The following TNR variants were observed in gnomAD, a reference collection of about 807,000 sequenced individuals.
TNR encodes the protein tenascin R, also known as tenascin-R.
Under a neutral mutation model 150.4 loss-of-function variants are expected in TNR, and 45 were observed. The observed-to-expected ratio is 0.30, with a 90% CI of 0.24 to 0.38. The LOEUF is 0.38. TNR is among the 10% of genes least tolerant of loss of function. The pLI, the probability that TNR is intolerant of heterozygous loss-of-function variation, is 1.00. For missense variants in TNR, 1,544 were observed against 1,759.1 expected (o/e 0.88, Z 2.19); for synonymous variants, 687 against 678.4 (o/e 1.01, Z -0.20).
chr1:175,668,653 G>A (rs1294160271), intron 1 of TNR, among the ~76,000 whole-genome samples: 3 of 152,190 alleles, frequency 2.0e-5, no homozygotes, highest in Non-Finnish European at 4.4e-5. Context: ...CAGCTGTAAT[G>A]AGCATAAGAA....
intron 2 of TNR, among the ~76,000 whole-genome samples, chr1:175,427,729 C>CA (rs1655066986): frequency 1.0e-5 from 1 of 98,224 alleles, no homozygotes; most frequent in Non-Finnish European, 1.9e-5. Context: ...TTCTCTCTTT[C>CA]TTTTCCTTCC....
At chr1:175,423,946 G>A (rs1654861990) in intron 2 of TNR, among the ~76,000 whole-genome samples, 1 of 152,092 alleles carries the variant, frequency 6.6e-6, no homozygotes, top group Non-Finnish European at 1.5e-5. Context: ...ATGGGCCTTG[G>A]GGGTTAGAAT....
intron 1 of TNR, among the ~76,000 whole-genome samples, chr1:175,682,674 G>C (rs1307892399): frequency 1.3e-5 from 2 of 152,114 alleles, no homozygotes; most frequent in Non-Finnish European, 2.9e-5. Flanking sequence ...CCTGCCCTGA[G>C]ACGGATGTCA....
chr1:175,367,340 C>A (rs1651892742), intron 9 of TNR, 43 bp from the exon 10 acceptor site: 1 of 1,561,970 alleles, frequency 6.4e-7, no homozygotes, highest in Non-Finnish European at 8.8e-7. Context: ...GTGTATGGGG[C>A]AGGGCTAGGA....
chr1:175,469,060 C>A (rs990693390), intron 2 of TNR, among the ~76,000 whole-genome samples: 1 of 152,042 alleles, frequency 6.6e-6, no homozygotes, highest in Non-Finnish European at 1.5e-5. Flanking sequence ...GAGATTGCCA[C>A]CTAACCAAGA....
chr1:175,575,011 G>T (rs976789), intron 1 of TNR, among the ~76,000 whole-genome samples: 7,823 of 152,294 alleles, frequency 0.051, 267 homozygotes, highest in South Asian at 0.091. Flanking sequence ...AGAAGTCATT[G>T]GTGCTATTGA....
chr1:175,557,521 C>A (rs1218942603), intron 1 of TNR, among the ~76,000 whole-genome samples: 1 of 152,178 alleles, frequency 6.6e-6, no homozygotes, highest in African/African-American at 2.4e-5. Context: ...AGTTCACATC[C>A]AATCTCAACT....
intron 1 of TNR, among the ~76,000 whole-genome samples, chr1:175,561,940 G>A (rs1295749469): frequency 6.6e-6 from 1 of 152,074 alleles, no homozygotes; most frequent in South Asian, 2.1e-4. Context: ...TTCAGCTAGG[G>A]ACCACTCCTC....
chr1:175,346,125 A>C (rs993941665), intron 18 of TNR, among the ~76,000 whole-genome samples: 1 of 152,268 alleles, frequency 6.6e-6, no homozygotes, highest in African/African-American at 2.4e-5. Context: ...TTCCTTGGGC[A>C]TATGAAATTA....
At chr1:175,439,441 A>T (rs1327264674) in intron 2 of TNR, among the ~76,000 whole-genome samples, 3 of 152,030 alleles carry the variant, frequency 2.0e-5, no homozygotes, top group Admixed American at 6.6e-5. Flanking sequence ...AACCTAGGCA[A>T]TACCATTCAG....
At chr1:175,412,635 A>T (rs1427526817) in intron 2 of TNR, among the ~76,000 whole-genome samples, 2 of 151,864 alleles carry the variant, frequency 1.3e-5, no homozygotes, top group African/African-American at 4.8e-5. Context: ...CTTCTCTGAG[A>T]TCCCCCAATG....
At chr1:175,641,829 A>T (rs544658976) in intron 1 of TNR, among the ~76,000 whole-genome samples, 1 of 152,324 alleles carries the variant, frequency 6.6e-6, no homozygotes, top group African/African-American at 2.4e-5. Context: ...CTCATAGCGC[A>T]GGTTAAATAA....
chr1:175,379,649 C>G lies in TNR; in HGVS notation c.1866G>C (p.Gln622His). 1 of 1,614,198 alleles carries G rather than the reference C, an allele frequency of 6.2e-7. No homozygotes were observed. The highest frequency in any genetic ancestry group is 2.2e-5 in the East Asian group (1 of 44,884). ...GGGTGCTGTACACAACCTTGTACTC[C>G]TGAACTTCGGCTTCACTGTTATCCC... ...LEWDNSEAEV[Q>H]EYKVVYSTLA... Residue 622 changes from glutamine to histidine, a missense_variant, in exon 9 of 23, where the codon CAG becomes CAC. Gln to His is a conservative substitution (Grantham distance 24). This residue lies in a region of TNR where 1,254 missense variants were observed against 1,329.4 expected (regional missense o/e 0.94). Transcript: ENST00000367674.
At chr1:175,667,395 T>A (rs1665560881) in intron 1 of TNR, among the ~76,000 whole-genome samples, 3 of 152,036 alleles carry the variant, frequency 2.0e-5, no homozygotes. Flanking sequence ...TATAAGAAAA[T>A]AAAGAGGCAG....
intron 1 of TNR, among the ~76,000 whole-genome samples, chr1:175,729,825 GCAGCTATGTGGGTCC>G (rs1278182301): frequency 1.3e-5 from 2 of 152,148 alleles, no homozygotes; most frequent in Non-Finnish European, 2.9e-5. Context: ...GGGGAATCTG[GCAGCTATGTGGGTCC>G]CATCTGCTCA....
Position 175,599,478 on chromosome 1 carries a change from C to G in TNR, c.-164-71109G>C, listed in dbSNP as rs771369949. ...GGAAATGAGAAGACTTGGGGTCTTGCGATCGCCGCCGAGTGACGGAGTAAT... is the reference window on the plus strand; with the variant it reads ...GGAAATGAGAAGACTTGGGGTCTTGGGATCGCCGCCGAGTGACGGAGTAAT... On this transcript the variant is annotated intron_variant, in intron 1 of 22. Transcript: ENST00000367674. This position sits in a 1 kb window ranked among gnomAD's most constrained non-coding sequence, Gnocchi z 4.7. 6.6e-6 allele frequency among the ~76,000 whole-genome samples: 1 copy of G among 152,218 alleles called. No individual in the cohort carries two copies. The highest frequency in any genetic ancestry group is 1.5e-5 in the Non-Finnish European group (1 of 68,042).
intron 2 of TNR, among the ~76,000 whole-genome samples, chr1:175,442,802 G>A (rs1456742708): frequency 6.6e-6 from 1 of 151,748 alleles, no homozygotes; most frequent in African/African-American, 2.4e-5. Context: ...AGGTGCAAGT[G>A]ATCTAGGAGA....
chr1:175,452,842 C>CAT (rs1386085832), intron 2 of TNR, among the ~76,000 whole-genome samples: 3 of 152,128 alleles, frequency 2.0e-5, no homozygotes, highest in Admixed American at 6.5e-5. Context: ...CAAAATGTGG[C>CAT]ATATATATAC....
At chr1:175,547,804 G>A (rs189850864) in intron 1 of TNR, among the ~76,000 whole-genome samples, 10 of 152,254 alleles carry the variant, frequency 6.6e-5, no homozygotes, top group Admixed American at 3.3e-4. Flanking sequence ...AAGTCAGTGG[G>A]GCTATAGCAT....
Sources: allele counts gnomAD v4.1 joint callset (sites outside exome capture counted in the v4.1 genomes callset), GRCh38; gene constraint gnomAD v4.1.1; regional missense constraint gnomAD v4.1.1; non-coding constraint Gnocchi (gnomAD v3.1); transcripts MANE v1.5; gene names NCBI Gene and HGNC (gene_info 2026-07-23, HGNC 2026-07-21).